Variants in MAST4 observed in about 807,000 individuals in gnomAD.
MAST4 encodes microtubule associated serine/threonine kinase family member 4.
Under a neutral mutation model 162.7 loss-of-function variants are expected in MAST4, and 89 were observed. The observed-to-expected ratio is 0.55, with a 90% CI of 0.46 to 0.65. The LOEUF (loss-of-function observed/expected upper bound fraction) is 0.65, where lower values mean the gene tolerates loss of function less well. Among genes scored for constraint, MAST4 ranks in the 30% least tolerant of loss-of-function variants. The probability of loss-of-function intolerance (pLI) is 0.00; values close to 1 mark genes in which losing one functional copy is unlikely to be tolerated. For missense variants in MAST4, 3,153 were observed against 3,374.0 expected, an observed-to-expected ratio of 0.93 and a Z score of 1.62; for synonymous variants, 1,479 against 1,361.1, an observed-to-expected ratio of 1.09 and a Z score of -1.91.
intron 1 of MAST4, among the ~76,000 whole-genome samples, chr5:66,739,603 T>C (rs900143160): frequency 2.0e-5 from 3 of 152,156 alleles, no homozygotes; most frequent in African/African-American, 7.2e-5. Context: ...TGTCATCTAA[T>C]AATGTCAAGT....
At chr5:67,155,283 A>C (rs1261144302) in intron 26 of MAST4, among the ~76,000 whole-genome samples, 1 of 152,234 alleles carries the variant, frequency 6.6e-6, no homozygotes, top group Admixed American at 6.5e-5. Context: ...GAATTATAAA[A>C]TGTGATGGTT....
At chr5:66,801,719 C>CA (rs1326712787) in intron 3 of MAST4, among the ~76,000 whole-genome samples, 5 of 152,276 alleles carry the variant, frequency 3.3e-5, no homozygotes, top group Admixed American at 3.3e-4. Context: ...ATCTTTGTTA[C>CA]ACATGTCATT....
chr5:66,650,275 C>T (rs569419461), intron 1 of MAST4, among the ~76,000 whole-genome samples: 8 of 152,114 alleles, frequency 5.3e-5, no homozygotes, highest in African/African-American at 9.6e-5. Flanking sequence ...TGATCCTTCT[C>T]GGGTGCCCCA....
chr5:67,136,963 A>G (rs1483671201), intron 19 of MAST4, among the ~76,000 whole-genome samples: 1 of 152,248 alleles, frequency 6.6e-6, no homozygotes, highest in East Asian at 1.9e-4. Flanking sequence ...GAAAACCTCA[A>G]AGGCACATGT....
rs774404255 is a variant in MAST4 at position 67,165,004 on chromosome 5, G to A, written c.5825G>A (p.Gly1942Glu). 1 of 1,613,614 alleles carries A rather than the reference G, an allele frequency of 6.2e-7. No homozygotes were observed. Among genetic ancestry groups the A allele is most frequent in the South Asian group, 1.1e-5 (1 of 91,012 alleles). The change falls in exon 29 of 29, where the codon GGG (glycine) becomes GAG (glutamate). Residue 1942 changes from glycine (G) to glutamate (E), a missense_variant. Physicochemically the swap from Gly to Glu is moderately conservative, Grantham distance 98. Around this residue, in one of 7 missense-constraint regions of MAST4, gnomAD observed 1,644 missense variants for 1,495.0 expected, o/e 1.10. Coordinates refer to ENST00000403625, the MANE Select transcript of MAST4 (RefSeq NM_001164664.2). ...TTDPKLLTCL[G>E]QNLHSPDLAR... is the part of the protein sequence containing the mutation. ...GACCCCAAGCTTCTGACCTGCCTGG[G>A]GCAGAACCTCCACAGCCCTGACCTG...
chr5:66,822,350 A>C (rs80337558), intron 3 of MAST4, among the ~76,000 whole-genome samples: 2,415 of 152,296 alleles, frequency 0.016, 66 homozygotes, highest in African/African-American at 0.054. Flanking sequence ...GTTCCAGAAA[A>C]AGCATCAGAC....
chr5:66,754,232 G>A (rs1753381816), intron 1 of MAST4, among the ~76,000 whole-genome samples: 1 of 152,152 alleles, frequency 6.6e-6, no homozygotes, highest in African/African-American at 2.4e-5. Flanking sequence ...GAGTGGAGTA[G>A]GAAAAGATTG....
chr5:66,847,909 G>A (rs896315352), intron 3 of MAST4, among the ~76,000 whole-genome samples: 1 of 150,844 alleles, frequency 6.6e-6, no homozygotes, highest in Non-Finnish European at 1.5e-5. Context: ...TAGGAAAATG[G>A]CAGTGCCGTG....
chr5:66,964,121 C>T (rs778170511), intron 4 of MAST4: 9 of 492,124 alleles, frequency 1.8e-5, no homozygotes, highest in Non-Finnish European at 2.8e-5. Context: ...TTTCCTAATT[C>T]CTATGAGAGT....
chr5:66,734,116 A>G (rs1752022093), intron 1 of MAST4, among the ~76,000 whole-genome samples: 1 of 152,118 alleles, frequency 6.6e-6, no homozygotes, highest in Non-Finnish European at 1.5e-5. Context: ...CTCCTTCTGT[A>G]CTATGTCACC....
intron 3 of MAST4, among the ~76,000 whole-genome samples, chr5:66,854,141 C>A (rs1759508622): frequency 6.6e-6 from 1 of 152,076 alleles, no homozygotes; most frequent in Admixed American, 6.6e-5. Flanking sequence ...AGGTGTAAAC[C>A]ACTGCCCCCG....
At chr5:66,978,387 T>G (rs1361898470) in intron 4 of MAST4, among the ~76,000 whole-genome samples, 1 of 152,258 alleles carries the variant, frequency 6.6e-6, no homozygotes, top group African/African-American at 2.4e-5. Flanking sequence ...AAACATTTTG[T>G]AAGCTACGGC....
At chr5:66,913,379 G>T (rs550334359) in intron 4 of MAST4, among the ~76,000 whole-genome samples, 2 of 151,450 alleles carry the variant, frequency 1.3e-5, no homozygotes, top group East Asian at 3.9e-4. Flanking sequence ...AATATTATAT[G>T]CACCCTTCTT....
intron 4 of MAST4, among the ~76,000 whole-genome samples, chr5:66,995,706 T>C (rs982007339): frequency 1.3e-5 from 2 of 151,052 alleles, no homozygotes; most frequent in African/African-American, 4.9e-5. Context: ...CAGACGAAAA[T>C]TTTTTAAATT....
intron 1 of MAST4, among the ~76,000 whole-genome samples, chr5:66,715,062 G>T (rs1185414959): frequency 6.6e-6 from 1 of 152,140 alleles, no homozygotes; most frequent in African/African-American, 2.4e-5. Context: ...GAGTAACAAG[G>T]AAATTACTTC....
chr5:67,159,552 CT>C (rs1317208307), intron 26 of MAST4, among the ~76,000 whole-genome samples: 44 of 152,290 alleles, frequency 2.9e-4, no homozygotes, highest in African/African-American at 1.0e-3. Flanking sequence ...TAAAAAGATC[CT>C]TTTCCTTGTA....
intron 4 of MAST4, among the ~76,000 whole-genome samples, chr5:66,945,069 T>C (rs1166845624): frequency 1.3e-5 from 2 of 151,428 alleles, no homozygotes; most frequent in African/African-American, 4.8e-5. Context: ...GCCTGTCATA[T>C]CCTGGGTTTT....
chr5:67,033,403 C>CAA lies in MAST4; in HGVS notation c.675-20992_675-20991dup, dbSNP rs5868473. 7.1e-4 allele frequency among the ~76,000 whole-genome samples: 93 copies of CAA among 131,340 alleles called. No individual in the cohort carries two copies. In the Middle Eastern group the frequency reaches 0.016, roughly 23 times the overall value. The allele number at this position is 131,340 out of a possible 152,430, so 86.2% of individuals were successfully genotyped here. On this transcript the variant is annotated intron_variant, in intron 4 of 28. Transcript: ENST00000403625. The stretch of plus-strand genomic sequence containing the variant: ...CTCCTTTTTGAAGAAACTATACAGG[C>CAA]AAAAAAAAAAGCAGTCAAGCTGAGC...
intron 4 of MAST4, among the ~76,000 whole-genome samples, chr5:66,915,571 A>G (rs1764060535): frequency 6.6e-6 from 1 of 152,262 alleles, no homozygotes. Context: ...GGCATTGTCC[A>G]TAGATGAGTT....
Sources: allele counts gnomAD v4.1 joint callset (sites outside exome capture counted in the v4.1 genomes callset), GRCh38; gene constraint gnomAD v4.1.1; regional missense constraint gnomAD v4.1.1; transcripts MANE v1.5; gene names NCBI Gene and HGNC (gene_info 2026-07-23, HGNC 2026-07-21).